DNAH6: variants seen among roughly 807,000 people sequenced by gnomAD.
DNAH6 encodes dynein axonemal heavy chain 6.
In DNAH6, 340 loss-of-function variants were observed where a neutral mutation model predicts 491.4. The ratio of observed to expected loss-of-function variants is 0.69; its 90% CI spans 0.63 to 0.76. DNAH6 has a LOEUF of 0.76. Ranked by LOEUF, DNAH6 falls within the 30% of genes least tolerant of loss-of-function variation. DNAH6 has a pLI of 0.00. For synonymous variants in DNAH6, 1,603 were observed against 1,686.1 expected (o/e 0.95, Z 1.21); for missense variants, 4,443 against 4,972.2 (o/e 0.89, Z 3.20).
Position 84,720,391 on chromosome 2 carries a change from G to GCCT in DNAH6, c.9792+2009_9792+2011dup, listed in dbSNP as rs1405542129. ...CCTCCCGGGTTCACGCCATTCTCCT[G>GCCT]CCTCAGCCTCCCAAGTAGCTGGGAC... On this transcript the variant is annotated intron_variant, in intron 59 of 76. Coordinates refer to ENST00000389394, the MANE Select transcript of DNAH6 (RefSeq NM_001370.2). 2.8e-5 allele frequency among the ~76,000 whole-genome samples: 4 copies of GCCT among 140,402 alleles called. No homozygotes were observed. The East Asian group carries it at 9.0e-4, about 31-fold the overall frequency. 92.1% of individuals were successfully genotyped at this position (140,402 alleles called of 152,430 possible).
intron 68 of DNAH6, among the ~76,000 whole-genome samples, chr2:84,789,280 C>T (rs1393029436): frequency 6.6e-6 from 1 of 152,144 alleles, no homozygotes; most frequent in Non-Finnish European, 1.5e-5. Flanking sequence ...ACAGCCAACA[C>T]CATAGACATC....
chr2:84,778,279 A>G (rs1045844512), intron 64 of DNAH6: 1 of 566,752 alleles, frequency 1.8e-6, no homozygotes, highest in Non-Finnish European at 3.3e-6. Flanking sequence ...CATCGGTGGC[A>G]TGTGGCAATG....
chr2:84,691,446 T>A (rs1694837249), intron 45 of DNAH6, among the ~76,000 whole-genome samples: 1 of 152,206 alleles, frequency 6.6e-6, no homozygotes, highest in South Asian at 2.1e-4. Flanking sequence ...AAAAAGCAAA[T>A]AGACATCTGA....
chr2:84,785,731 T>C lies in DNAH6; in HGVS notation c.11075T>C (p.Ile3692Thr). ...AAATGGAGACAAATAATATTTGGCA[T>C]TTGTTTCTTCCATGCAATTATTCAG... ...GKKWRQIIFG[I>T]CFFHAIIQER... is the part of the protein sequence containing the mutation. Residue 3692 changes from isoleucine (I) to threonine (T), a missense_variant, in exon 67 of 77, where the codon ATT becomes ACT. Transcript: ENST00000389394. 6.5e-7 allele frequency: 1 copy of C among 1,545,578 alleles called. No individual in the cohort carries two copies.
chr2:84,647,109 A>G (rs1259641232), intron 33 of DNAH6, among the ~76,000 whole-genome samples: 2 of 152,126 alleles, frequency 1.3e-5, no homozygotes, highest in Admixed American at 6.6e-5. Flanking sequence ...AGCCTCCCAA[A>G]GTGCTGGCAT....
At chr2:84,528,806 G>T in intron 3 of DNAH6, 98 bp from the exon 4 acceptor site, 1 of 1,193,336 alleles carries the variant, frequency 8.4e-7, no homozygotes, top group Non-Finnish European at 1.1e-6. Flanking sequence ...GACATCTCAT[G>T]CAATATGGCA....
intron 45 of DNAH6, 79 bp downstream of exon 45, chr2:84,688,672 A>T (rs1279240972): frequency 2.2e-5 from 26 of 1,176,948 alleles, no homozygotes; most frequent in Non-Finnish European, 3.0e-5. Flanking sequence ...AGTTGTATAA[A>T]CTCTTCAAAC....
Position 84,557,775 on chromosome 2 carries a change from T to C in DNAH6, c.1643T>C (p.Val548Ala), listed in dbSNP as rs757348058. 1 of 1,608,236 alleles carries C rather than the reference T, an allele frequency of 6.2e-7. No homozygotes were observed. Among genetic ancestry groups the C allele is most frequent in the Non-Finnish European group, 8.5e-7 (1 of 1,176,442 alleles). The change falls in exon 11 of 77, where the codon GTG (valine) becomes GCG (alanine). Residue 548 changes from valine (V) to alanine (A), a missense_variant. By Grantham distance (64) the Val-to-Ala change is moderately conservative. This residue lies in a region of DNAH6 where 2,977 missense variants were observed against 3,296.6 expected (regional missense o/e 0.90). Coordinates refer to ENST00000389394, the MANE Select transcript of DNAH6 (RefSeq NM_001370.2). ...LGAVNHCQNTVLSVPNLVPDS... is the reference protein window; with the variant it reads ...LGAVNHCQNTALSVPNLVPDS... Reference sequence around the variant, plus strand: ...GCAGTTAATCACTGTCAAAACACTGTGTTATCAGTTCCTAATCTCGTGCCT... The same window carrying C: ...GCAGTTAATCACTGTCAAAACACTGCGTTATCAGTTCCTAATCTCGTGCCT...
At chr2:84,687,432 A>G (rs1272168146) in intron 44 of DNAH6, among the ~76,000 whole-genome samples, 3 of 152,300 alleles carry the variant, frequency 2.0e-5, no homozygotes, top group Admixed American at 2.0e-4. Flanking sequence ...TCGTCTTTAT[A>G]TTATATGTAG....
chr2:84,663,404 G>T (rs1573401761), intron 37 of DNAH6, among the ~76,000 whole-genome samples: 2 of 152,146 alleles, frequency 1.3e-5, no homozygotes, highest in African/African-American at 4.8e-5. Flanking sequence ...GACCTTAAAT[G>T]ACCTGATGGA....
intron 21 of DNAH6, among the ~76,000 whole-genome samples, chr2:84,610,536 G>A (rs929093141): frequency 6.6e-6 from 1 of 152,118 alleles, no homozygotes; most frequent in African/African-American, 2.4e-5. Flanking sequence ...TGGTGCACAT[G>A]TTCTTTTGAT....
chr2:84,479,447 A>T, the DNAH6 span, among the ~76,000 whole-genome samples: 1 of 152,190 alleles, frequency 6.6e-6, no homozygotes, highest in African/African-American at 2.4e-5. Context: ...GCTGTCTCAG[A>T]GGGATTAGAT....
chr2:84,511,487 T>C (rs1675328148), upstream of DNAH6, among the ~76,000 whole-genome samples: 1 of 152,066 alleles, frequency 6.6e-6, no homozygotes, highest in African/African-American at 2.4e-5. Context: ...TTTCTTTGAC[T>C]AGGAAAGGGA....
intron 37 of DNAH6, among the ~76,000 whole-genome samples, chr2:84,666,515 G>T (rs1291477613): frequency 6.6e-6 from 1 of 152,014 alleles, no homozygotes; most frequent in African/African-American, 2.4e-5. Flanking sequence ...GCTTCAAAGA[G>T]AATAAAATAC....
At chr2:84,651,310 T>C (rs1255358968) in intron 33 of DNAH6, among the ~76,000 whole-genome samples, 1 of 152,184 alleles carries the variant, frequency 6.6e-6, no homozygotes, top group Admixed American at 6.5e-5. Context: ...GCATCATTAC[T>C]TCCCAGTGAG....
chr2:84,722,767 A>G lies in DNAH6; in HGVS notation c.9935A>G (p.Asp3312Gly). Residue 3312 changes from aspartate to glycine, a missense_variant, in exon 60 of 77, where the codon GAT (aspartate) becomes GGT (glycine). Physicochemically the swap from Asp to Gly is moderately conservative, Grantham distance 94. Around this residue, in one of 3 missense-constraint regions of DNAH6, gnomAD observed 1,463 missense variants for 1,656.6 expected, o/e 0.88. Transcript: ENST00000389394. The stretch of plus-strand genomic sequence containing the variant: ...GTCATTGCAAGCCTCTCAGAAATAG[A>G]TCCTATGTACCAGTACTCATTAAAA... ...YFVIASLSEI[D>G]PMYQYSLKYF... 6.5e-7 allele frequency: 1 copy of G among 1,534,518 alleles called. No homozygotes were observed. The highest frequency in any genetic ancestry group is 8.8e-7 in the Non-Finnish European group (1 of 1,141,812).
chr2:84,761,275 C>T (rs1459505837), intron 63 of DNAH6, among the ~76,000 whole-genome samples: 1 of 151,720 alleles, frequency 6.6e-6, no homozygotes, highest in Non-Finnish European at 1.5e-5. Flanking sequence ...ATATTATGTA[C>T]ACATGAATGT....
the DNAH6 span, among the ~76,000 whole-genome samples, chr2:84,511,367 C>A: frequency 6.6e-6 from 1 of 152,248 alleles, no homozygotes. Context: ...TAGGACTCTC[C>A]AAGCCATGCG....
chr2:84,692,309 T>C (rs1191806678), intron 45 of DNAH6, among the ~76,000 whole-genome samples: 1 of 152,212 alleles, frequency 6.6e-6, no homozygotes, highest in Admixed American at 6.5e-5. Flanking sequence ...TTTTCTCTCA[T>C]GAGTTACAGT....
Sources: allele counts gnomAD v4.1 joint callset (sites outside exome capture counted in the v4.1 genomes callset), GRCh38; gene constraint gnomAD v4.1.1; regional missense constraint gnomAD v4.1.1; transcripts MANE v1.5; gene names NCBI Gene and HGNC (gene_info 2026-07-23, HGNC 2026-07-21).